The following RUBCN variants were observed in gnomAD, a reference collection of about 807,000 sequenced individuals.
RUBCN encodes run domain Beclin-1-interacting and cysteine-rich domain-containing protein.
In RUBCN, 74 loss-of-function variants were observed where a neutral mutation model predicts 113.2. That is an observed-to-expected ratio of 0.65 (90% CI 0.54 to 0.79). RUBCN has a LOEUF of 0.79. RUBCN is among the 30% of genes least tolerant of loss of function. The probability of loss-of-function intolerance (pLI) is 0.00; values close to 1 mark genes in which losing one functional copy is unlikely to be tolerated. For synonymous variants in RUBCN, 480 were observed against 490.0 expected (o/e 0.98, Z 0.27); for missense variants, 1,109 against 1,251.7 (o/e 0.89, Z 1.72).
In RUBCN at chr3:197,683,583, C is replaced by T; in HGVS notation, c.1848-144G>A. On this transcript the variant is annotated intron_variant, in intron 12 of 19. Transcript: ENST00000296343. This position sits in a 1 kb window ranked among gnomAD's most constrained non-coding sequence, Gnocchi z 4.6. ...CCCTGGCCTGCTCATCACCCTCACA[C>T]ATGGGACAGTCAAAGTCCACTAGTC... The T allele has an allele frequency of 1.1e-6, 1 of 898,454 alleles. No homozygotes were observed. The highest frequency in any genetic ancestry group is 1.8e-6 in the Non-Finnish European group (1 of 561,358). 55.7% of individuals were successfully genotyped at this position (898,454 alleles called of 1,614,324 possible).
In RUBCN at chr3:197,703,696, G is replaced by A. The variant is rs762997319; in HGVS notation, c.464-42C>T. 11 of 1,267,838 alleles carry A rather than the reference G, an allele frequency of 8.7e-6. No individual in the cohort carries two copies. The Middle Eastern group carries it at 5.5e-4, about 64-fold the overall frequency. 78.5% of individuals were successfully genotyped at this position (1,267,838 alleles called of 1,614,324 possible). A position where few individuals can be genotyped will look rare whatever the true frequency, so the allele number is the denominator to read the frequency against. On this transcript the variant is annotated intron_variant, in intron 4 of 19. Transcript: ENST00000296343. ...TGCCACAGTGATAGAGCCCATCAGG[G>A]AGGCCTTGAGAGAAGCTTGAGGAAG... is the stretch of plus-strand genomic sequence containing the variant.
Position 197,736,867 on chromosome 3 carries a change from G to C in RUBCN, c.-148C>G. The C allele has an allele frequency of 7.3e-7, 1 of 1,377,190 alleles. No individual in the cohort carries two copies. The highest frequency in any genetic ancestry group is 9.3e-7 in the Non-Finnish European group (1 of 1,073,032). The allele number at this position is 1,377,190 out of a possible 1,614,324, so 85.3% of individuals were successfully genotyped here. ...CTACACCCGGGCGGCGACAGCGGGA[G>C]GGACCGCCGCCTGGGCTGCGGCTTC... On this transcript the variant is annotated 5_prime_UTR_variant, in exon 1 of 20. Coordinates refer to ENST00000296343, the MANE Select transcript of RUBCN (RefSeq NM_014687.4).
chr3:197,732,984 T>C (rs1727694595), intron 1 of RUBCN, among the ~76,000 whole-genome samples: 1 of 152,206 alleles, frequency 6.6e-6, no homozygotes, highest in South Asian at 2.1e-4. Context: ...TTTTATTGAA[T>C]CCTCAGAACT....
At chr3:197,709,386 T>G (rs571695157) in intron 2 of RUBCN, among the ~76,000 whole-genome samples, 5 of 151,618 alleles carry the variant, frequency 3.3e-5, no homozygotes, top group African/African-American at 1.2e-4. Flanking sequence ...TACTATGGGT[T>G]TTTTTTTTCT....
At chr3:197,694,916 AG>A (rs1167689369) in intron 9 of RUBCN, among the ~76,000 whole-genome samples, 1 of 152,244 alleles carries the variant, frequency 6.6e-6, no homozygotes, top group African/African-American at 2.4e-5. Context: ...TCAAGATAAA[AG>A]TGCTTTGTAG....
chr3:197,697,175 G>T, intron 7 of RUBCN, 126 bp from the exon 8 acceptor site: 1 of 673,526 alleles, frequency 1.5e-6, no homozygotes, highest in Non-Finnish European at 2.8e-6. Context: ...GAGAGAGGCG[G>T]CACACCAACG....
At chr3:197,746,731 G>T (rs958066490) in intron 1 of RUBCN, among the ~76,000 whole-genome samples, 3 of 152,126 alleles carry the variant, frequency 2.0e-5, no homozygotes, top group Admixed American at 2.0e-4. Flanking sequence ...TATCTACATT[G>T]TGTGAAACGA....
Position 197,669,028 on chromosome 3 carries a change from CTG to C in RUBCN, c.*5988_*5989del, listed in dbSNP as rs1339715685. Among the ~76,000 whole-genome samples, 1 of 152,154 alleles carries C rather than the reference CTG, an allele frequency of 6.6e-6. No homozygotes were observed. Among genetic ancestry groups the C allele is most frequent in the Admixed American group, 6.5e-5 (1 of 15,276 alleles). On this transcript the variant is annotated 3_prime_UTR_variant, in exon 20 of 20. Coordinates refer to ENST00000296343, the MANE Select transcript of RUBCN (RefSeq NM_014687.4). ...TTTTTCTAACCATATTTTTGCATAA[CTG>C]TAATTATGATGTACATATGCTTTTT...
chr3:197,738,764 T>A (rs985635830), upstream of RUBCN, among the ~76,000 whole-genome samples: 37 of 150,318 alleles, frequency 2.5e-4, no homozygotes, highest in Admixed American at 5.9e-4. Flanking sequence ...TTTTTTTTTT[T>A]AATTTTTGGT....
Position 197,671,574 on chromosome 3 carries a change from CG to C in RUBCN, c.*3443del, listed in dbSNP as rs1420923161. 6.6e-6 allele frequency: 1 copy of C among 152,070 alleles called. No homozygotes were observed. Among genetic ancestry groups the C allele is most frequent in the Non-Finnish European group, 1.5e-5 (1 of 68,014 alleles). 9.4% of individuals were successfully genotyped at this position (152,070 alleles called of 1,614,324 possible). On this transcript the variant is annotated 3_prime_UTR_variant, in exon 20 of 20. Coordinates refer to ENST00000296343, the MANE Select transcript of RUBCN (RefSeq NM_014687.4). Reference sequence around the variant, plus strand: ...ACTAATGGTTAGGTTTTTGGAAATACGGAATTTATGCTGGTTTTAGACACAC... The same window carrying C: ...ACTAATGGTTAGGTTTTTGGAAATACGAATTTATGCTGGTTTTAGACACAC...
chr3:197,674,858 A>T lies in RUBCN; in HGVS notation c.*160T>A. 3 of 619,600 alleles carry T rather than the reference A, an allele frequency of 4.8e-6. No homozygotes were observed. Among genetic ancestry groups the T allele is most frequent in the Non-Finnish European group, 7.9e-6 (3 of 379,044 alleles). 38.4% of individuals were successfully genotyped at this position (619,600 alleles called of 1,614,324 possible). On this transcript the variant is annotated 3_prime_UTR_variant, in exon 20 of 20. Transcript: ENST00000296343. ...CATCAACCTGCCGACGGCTGACTGC[A>T]CACAGACGTCAGACAAGTCAGTAAA... is the stretch of plus-strand genomic sequence containing the variant.
intron 1 of RUBCN, among the ~76,000 whole-genome samples, chr3:197,736,349 C>T (rs1728119580): frequency 6.6e-6 from 1 of 152,164 alleles, no homozygotes; most frequent in Non-Finnish European, 1.5e-5. Context: ...ACCCCTCTGG[C>T]CTCTTCGCCC....
At chr3:197,717,421 G>A (rs950284510) in intron 2 of RUBCN, among the ~76,000 whole-genome samples, 1 of 151,298 alleles carries the variant, frequency 6.6e-6, no homozygotes, top group Non-Finnish European at 1.5e-5. Context: ...TCCAGCCTGG[G>A]TGACAGAGCG....
chr3:197,747,516 A>G lies in RUBCN; in HGVS notation c.-116+1753T>C, dbSNP rs1728799524. Among the ~76,000 whole-genome samples the G allele has an allele frequency of 2.0e-5, 3 of 151,826 alleles. No homozygotes were observed. In the South Asian group the frequency reaches 6.2e-4, roughly 32 times the overall value. ...GATTACAAGCGTGAGCCACTGCACCAGGTCGAGAATCTTTATTATATTAGT... is the reference window on the plus strand; with the variant it reads ...GATTACAAGCGTGAGCCACTGCACCGGGTCGAGAATCTTTATTATATTAGT... On this transcript the variant is annotated intron_variant, in intron 1 of 20. Transcript: ENST00000273582.
rs548652435 is a variant in RUBCN at position 197,704,125 on chromosome 3, T to C, written c.463+417A>G. Among the ~76,000 whole-genome samples the C allele has an allele frequency of 1.1e-4, 16 of 152,272 alleles. No individual in the cohort carries two copies. The East Asian group carries it at 2.7e-3, about 26-fold the overall frequency. On this transcript the variant is annotated intron_variant, in intron 4 of 19. Transcript: ENST00000296343. The stretch of plus-strand genomic sequence containing the variant: ...GATATATGTTTCTGAGTAGAATCCC[T>C]ATGGCATCAAGTGAAAAACAGGAGG...
intron 2 of RUBCN, among the ~76,000 whole-genome samples, chr3:197,712,500 T>C (rs1725064328): frequency 1.3e-5 from 2 of 152,194 alleles, no homozygotes; most frequent in South Asian, 2.1e-4. Context: ...TTGAAAGCCC[T>C]CATCTTTCAG....
intron 1 of RUBCN, among the ~76,000 whole-genome samples, chr3:197,729,119 C>T (rs1727101453): frequency 6.9e-6 from 1 of 145,394 alleles, no homozygotes; most frequent in African/African-American, 2.6e-5. Context: ...GCTTTCTGGC[C>T]TGGGCAACAG....
chr3:197,704,813 G>C lies in RUBCN; in HGVS notation c.304-112C>G. The C allele has an allele frequency of 1.7e-5, 21 of 1,200,180 alleles. No homozygotes were observed. In the South Asian group the frequency reaches 2.7e-4, roughly 15 times the overall value. The allele number at this position is 1,200,180 out of a possible 1,614,324, so 74.3% of individuals were successfully genotyped here. On this transcript the variant is annotated intron_variant, in intron 3 of 19. Transcript: ENST00000296343. ...ACAGGTAAGGGAAATGCTTTGAAAG[G>C]CTTCACCCTGGGTCCCATGTAGGCA... is the stretch of plus-strand genomic sequence containing the variant.
chr3:197,726,132 C>T (rs1169524969), intron 1 of RUBCN, among the ~76,000 whole-genome samples: 1 of 152,214 alleles, frequency 6.6e-6, no homozygotes, highest in Non-Finnish European at 1.5e-5. Flanking sequence ...GTCGCTATAC[C>T]ATTCCTTCTA....
Sources: allele counts gnomAD v4.1 joint callset (sites outside exome capture counted in the v4.1 genomes callset), GRCh38; gene constraint gnomAD v4.1.1; non-coding constraint Gnocchi (gnomAD v3.1); transcripts MANE v1.5; gene names NCBI Gene and HGNC (gene_info 2026-07-23, HGNC 2026-07-21).